The following TENM2 variants were observed in gnomAD, a reference collection of about 807,000 sequenced individuals.
The protein encoded by TENM2 is teneurin transmembrane protein 2.
In TENM2, 52 loss-of-function variants were observed where a neutral mutation model predicts 245.2. The observed-to-expected ratio is 0.21, with a 90% confidence interval of 0.17 to 0.27. The LOEUF is 0.27. TENM2 is among the 10% of genes least tolerant of loss of function. The pLI is 1.00. For synonymous variants in TENM2, 1,363 were observed against 1,438.9 expected, an observed-to-expected ratio of 0.95 and a Z score of 1.19; for missense variants, 3,046 against 3,666.8, an observed-to-expected ratio of 0.83 and a Z score of 4.37.
At chr5:167,265,331 CAAAA>C in the TENM2 span, among the ~76,000 whole-genome samples, 6 of 39,396 alleles carry the variant, frequency 1.5e-4, no homozygotes, top group South Asian at 9.7e-4. Flanking sequence ...GACTCTGTCT[CAAAA>C]AAAAAAAAAA....
intron 2 of TENM2, among the ~76,000 whole-genome samples, chr5:167,407,103 A>G (rs1762676257): frequency 6.6e-6 from 1 of 152,174 alleles, no homozygotes; most frequent in Non-Finnish European, 1.5e-5. Context: ...CAGTTGAAAT[A>G]TACCACCTGC....
the TENM2 span, chr5:167,165,359 T>C: frequency 7.2e-5 from 11 of 152,164 alleles, no homozygotes; most frequent in Admixed American, 7.2e-4. Context: ...CTCTATTCAG[T>C]AGGTGGCTAG....
intron 2 of TENM2, among the ~76,000 whole-genome samples, chr5:167,706,101 C>T (rs988703333): frequency 1.4e-5 from 2 of 140,366 alleles, no homozygotes; most frequent in South Asian, 2.2e-4. Context: ...TATAATTATA[C>T]CAGTATATAT....
intron 2 of TENM2, among the ~76,000 whole-genome samples, chr5:167,540,306 T>C (rs987199825): frequency 7.2e-5 from 11 of 152,290 alleles, no homozygotes; most frequent in African/African-American, 2.6e-4. Context: ...CTTAGGGAAT[T>C]ACCATAGGGG....
At chr5:167,838,787 A>G (rs976942641) in intron 2 of TENM2, among the ~76,000 whole-genome samples, 4 of 152,182 alleles carry the variant, frequency 2.6e-5, no homozygotes, top group Non-Finnish European at 4.4e-5. Context: ...CTATAAGTCT[A>G]AAGCAAAATT....
chr5:167,879,743 G>A (rs1269463756), intron 3 of TENM2, among the ~76,000 whole-genome samples: 1 of 152,128 alleles, frequency 6.6e-6, no homozygotes. Context: ...CATAAGAAAT[G>A]TAGTAACCAA....
At chr5:168,058,478 G>C (rs1271192264) in intron 6 of TENM2, among the ~76,000 whole-genome samples, 2 of 152,164 alleles carry the variant, frequency 1.3e-5, no homozygotes, top group African/African-American at 4.8e-5. Flanking sequence ...AAGCATAATT[G>C]CTATAGAAAC....
intron 2 of TENM2, among the ~76,000 whole-genome samples, chr5:167,763,518 G>A (rs1025469938): frequency 1.3e-5 from 2 of 152,134 alleles, no homozygotes; most frequent in South Asian, 2.1e-4. Flanking sequence ...TTCTGGTGGG[G>A]CGGGGAATAG....
chr5:167,966,903 C>G (rs531214770), intron 4 of TENM2: 1 of 152,280 alleles, frequency 6.6e-6, no homozygotes, highest in East Asian at 1.9e-4. Context: ...ACATTATGCC[C>G]CCTCTAAATT....
the TENM2 span, among the ~76,000 whole-genome samples, chr5:167,241,673 G>A: frequency 2.0e-5 from 3 of 152,200 alleles, no homozygotes; most frequent in African/African-American, 7.2e-5. Flanking sequence ...GATGAGGACT[G>A]AAGAGCAATT....
the TENM2 span, among the ~76,000 whole-genome samples, chr5:167,129,935 T>G: frequency 2.0e-5 from 3 of 152,140 alleles, no homozygotes; most frequent in African/African-American, 7.2e-5. Flanking sequence ...TAAAAGGCAG[T>G]ACCAGGGCTG....
At chr5:168,207,245 A>G (rs933840717) in intron 19 of TENM2, among the ~76,000 whole-genome samples, 1 of 152,150 alleles carries the variant, frequency 6.6e-6, no homozygotes, top group Non-Finnish European at 1.5e-5. Flanking sequence ...GGCCCACACT[A>G]GGTGCTCAAG....
chr5:166,995,473 C>G, the TENM2 span, among the ~76,000 whole-genome samples: 1 of 151,908 alleles, frequency 6.6e-6, no homozygotes, highest in African/African-American at 2.4e-5. Context: ...GATTTCCTGA[C>G]CTCGTGATCC....
intron 17 of TENM2, among the ~76,000 whole-genome samples, chr5:168,203,221 C>A (rs1349762540): frequency 6.6e-6 from 1 of 152,208 alleles, no homozygotes; most frequent in Admixed American, 6.5e-5. Flanking sequence ...AGCTATTGCT[C>A]CCAGAATCTC....
chr5:168,034,067 GTATATATATGTATACATATATATGTGTA>G lies in TENM2; in HGVS notation c.1187-13322_1187-13295del, dbSNP rs1359816930. ...TGTGTGTGTATATATATATATATGT[GTATATATATGTATACATATATATGTGTA>G]TATATATATGTATACATATATATGT... On this transcript the variant is annotated intron_variant, in intron 5 of 28. Coordinates refer to ENST00000518659, the Ensembl canonical transcript of TENM2. Among the ~76,000 whole-genome samples, 39 of 105,138 alleles carry G rather than the reference GTATATATATGTATACATATATATGTGTA, an allele frequency of 3.7e-4. No homozygotes were observed. In the East Asian group the frequency reaches 4.9e-3, roughly 13 times the overall value. The allele number at this position is 105,138 out of a possible 152,430, so 69.0% of individuals were successfully genotyped here.
At chr5:167,199,456 G>A in the TENM2 span, among the ~76,000 whole-genome samples, 47 of 152,116 alleles carry the variant, frequency 3.1e-4, no homozygotes, top group African/African-American at 1.0e-3. Flanking sequence ...TTCCTGGCCC[G>A]GCACCTTCAG....
intron 23 of TENM2, among the ~76,000 whole-genome samples, chr5:168,221,466 G>A (rs1356404849): frequency 6.6e-6 from 1 of 152,170 alleles, no homozygotes; most frequent in Non-Finnish European, 1.5e-5. Flanking sequence ...TTGCACACTA[G>A]CGTTGTAAAG....
rs575525000 is a variant in TENM2, at chr5:167,647,540, T to C, written c.503-228446T>C. Among the ~76,000 whole-genome samples the C allele has an allele frequency of 2.3e-4, 35 of 152,112 alleles. No homozygotes were observed. The East Asian group carries it at 6.4e-3, about 28-fold the overall frequency. Reference sequence around the variant, plus strand: ...CGAGAGGCTGAGGCAGGAGAATCACTTGAACCCGGGAGGCAGAGGTTGCAG... The same window carrying C: ...CGAGAGGCTGAGGCAGGAGAATCACCTGAACCCGGGAGGCAGAGGTTGCAG... On this transcript the variant is annotated intron_variant, in intron 2 of 28. Coordinates refer to ENST00000518659, the Ensembl canonical transcript of TENM2.
intron 12 of TENM2, among the ~76,000 whole-genome samples, chr5:168,141,543 T>A (rs1755550195): frequency 6.6e-6 from 1 of 152,162 alleles, no homozygotes; most frequent in African/African-American, 2.4e-5. Flanking sequence ...GATGAAACCT[T>A]AAAGATCCAG....
Sources: gnomAD v4.1 joint callset for allele counts (sites outside exome capture counted in the v4.1 genomes callset) on GRCh38, gnomAD v4.1.1 for gene constraint, MANE v1.5 for transcripts, NCBI Gene and HGNC (gene_info 2026-07-23, HGNC 2026-07-21) for gene names.